The following BTG4 variants were observed in gnomAD, a reference collection of about 807,000 sequenced individuals.
BTG4 encodes protein BTG4.
In BTG4, 10 loss-of-function variants were observed where a neutral mutation model predicts 19.3. The ratio of observed to expected loss-of-function variants is 0.52; its 90% CI spans 0.32 to 0.88. BTG4 has a LOEUF of 0.88. Ranked by LOEUF, BTG4 falls within the 40% of genes least tolerant of loss-of-function variation. The pLI is 0.04. For synonymous variants in BTG4, 91 were observed against 95.7 expected, an observed-to-expected ratio of 0.95 and a Z score of 0.29; for missense variants, 238 against 281.9, an observed-to-expected ratio of 0.84 and a Z score of 1.11.
chr11:111,509,421 G>T (rs1215364480), intron 1 of BTG4, among the ~76,000 whole-genome samples: 1 of 152,130 alleles, frequency 6.6e-6, no homozygotes, highest in Non-Finnish European at 1.5e-5. Context: ...CAGGTGCAGT[G>T]GCTCACTCCT....
chr11:111,443,338 A>G, the BTG4 span, among the ~76,000 whole-genome samples: 1 of 152,222 alleles, frequency 6.6e-6, no homozygotes, highest in Non-Finnish European at 1.5e-5. Flanking sequence ...GAAAAAGACA[A>G]TAGGTAAAAC....
intron 5 of BTG4, among the ~76,000 whole-genome samples, chr11:111,486,342 G>A (rs955694995): frequency 2.6e-5 from 4 of 152,276 alleles, no homozygotes; most frequent in African/African-American, 7.2e-5. Context: ...AGCTGAGGCA[G>A]GAGGATTGCT....
chr11:111,386,784 C>A, the BTG4 span, among the ~76,000 whole-genome samples: 1 of 152,142 alleles, frequency 6.6e-6, no homozygotes, highest in Admixed American at 6.5e-5. Context: ...AATACCGAAG[C>A]CCATTGTTGC....
the BTG4 span, chr11:111,404,866 A>G: frequency 2.9e-6 from 1 of 347,700 alleles, no homozygotes; most frequent in South Asian, 2.3e-5. Context: ...AACAATTTCA[A>G]GCATCACATT....
At chr11:111,459,818 G>A in the BTG4 span, 6 of 152,698 alleles carry the variant, frequency 3.9e-5, no homozygotes, top group East Asian at 1.2e-3. Flanking sequence ...GGACCTCTGA[G>A]AGCTCAGGAA....
rs1865624112 is a variant in BTG4 at position 111,494,893 on chromosome 11, T to G, written c.*242A>C. 2 of 984,564 alleles carry G rather than the reference T, an allele frequency of 2.0e-6. No individual in the cohort carries two copies. The highest frequency in any genetic ancestry group is 1.7e-5 in the African/African-American group (1 of 57,216). The allele number at this position is 984,564 out of a possible 1,614,324, so 61.0% of individuals were successfully genotyped here. ...TCTTATTAGAGGTCAACATCTTCAT[T>G]CTGTTACCTTACTGGGTACATTCAC... On this transcript the variant is annotated 3_prime_UTR_variant, in exon 5 of 5. Transcript: ENST00000692032.
chr11:111,453,381 T>G, the BTG4 span: 1 of 434,512 alleles, frequency 2.3e-6, no homozygotes, highest in Non-Finnish European at 4.7e-6. Context: ...CGCCCTTCCC[T>G]TCCCACTCCC....
the BTG4 span, among the ~76,000 whole-genome samples, chr11:111,406,539 T>C: frequency 6.6e-6 from 1 of 152,236 alleles, no homozygotes; most frequent in African/African-American, 2.4e-5. Flanking sequence ...TTTGTCATCA[T>C]TTTTTCCCAT....
chr11:111,424,577 A>G, the BTG4 span, among the ~76,000 whole-genome samples: 1 of 152,250 alleles, frequency 6.6e-6, no homozygotes, highest in East Asian at 1.9e-4. Flanking sequence ...GTCATTCATC[A>G]TCATTAAGTG....
At chr11:111,411,965 T>C in the BTG4 span, among the ~76,000 whole-genome samples, 12 of 152,170 alleles carry the variant, frequency 7.9e-5, no homozygotes, top group African/African-American at 2.2e-4. Flanking sequence ...TCCTAGGAGC[T>C]AGAGCAAAAT....
the BTG4 span, among the ~76,000 whole-genome samples, chr11:111,386,958 T>C: frequency 6.6e-6 from 1 of 152,230 alleles, no homozygotes; most frequent in African/African-American, 2.4e-5. Flanking sequence ...GAGAGCCTGG[T>C]TTGGAATCTG....
intron 5 of BTG4, among the ~76,000 whole-genome samples, chr11:111,479,088 A>C (rs897431275): frequency 1.6e-4 from 25 of 152,248 alleles, no homozygotes; most frequent in African/African-American, 5.5e-4. Context: ...TGAAAACAAA[A>C]AGCAAAGAAA....
chr11:111,438,237 T>A, the BTG4 span, among the ~76,000 whole-genome samples: 1 of 152,244 alleles, frequency 6.6e-6, no homozygotes, highest in African/African-American at 2.4e-5. Flanking sequence ...GACCTAACTT[T>A]GTGGGTTAGA....
At chr11:111,494,062 C>A (rs1310000943), downstream of BTG4, among the ~76,000 whole-genome samples, 1 of 152,142 alleles carries the variant, frequency 6.6e-6, no homozygotes, top group Non-Finnish European at 1.5e-5. Context: ...CACCTAACAG[C>A]AGAAACTCAG....
chr11:111,465,617 C>T (rs1419485472), downstream of BTG4, among the ~76,000 whole-genome samples: 1 of 151,978 alleles, frequency 6.6e-6, no homozygotes, highest in Non-Finnish European at 1.5e-5. Context: ...GAATTCAATC[C>T]CCAAGAGTCT....
At chr11:111,504,611 C>A (rs2135716730) in intron 1 of BTG4, among the ~76,000 whole-genome samples, 1 of 152,102 alleles carries the variant, frequency 6.6e-6, no homozygotes, top group East Asian at 1.9e-4. Flanking sequence ...ACTGGAAGTC[C>A]TGGCCAGAGC....
At chr11:111,459,289 T>A in the BTG4 span, among the ~76,000 whole-genome samples, 1 of 151,636 alleles carries the variant, frequency 6.6e-6, no homozygotes, top group Admixed American at 6.6e-5. Context: ...TAGGACTGAG[T>A]GAAATATAAC....
intron 5 of BTG4, among the ~76,000 whole-genome samples, chr11:111,484,658 A>C (rs1480133582): frequency 2.0e-5 from 3 of 152,194 alleles, no homozygotes; most frequent in Non-Finnish European, 2.9e-5. Flanking sequence ...CACACACAAA[A>C]AAAAAGGAAA....
intron 1 of BTG4, among the ~76,000 whole-genome samples, chr11:111,503,341 C>T (rs1342210658): frequency 6.6e-6 from 1 of 152,176 alleles, no homozygotes; most frequent in Non-Finnish European, 1.5e-5. Flanking sequence ...GTAGTAATGT[C>T]CACTGACAAG....
Sources: gnomAD v4.1 joint callset for allele counts (sites outside exome capture counted in the v4.1 genomes callset) on GRCh38, gnomAD v4.1.1 for gene constraint, MANE v1.5 for transcripts, NCBI Gene and HGNC (gene_info 2026-07-23, HGNC 2026-07-21) for gene names.